The following LEKR1 variants were observed in gnomAD, a reference collection of about 807,000 sequenced individuals.
LEKR1 encodes leucine, glutamate and lysine rich 1, also known as protein LEKR1.
A neutral mutation model predicts 72.4 loss-of-function variants in LEKR1; 59 were observed. That is an observed-to-expected ratio of 0.82 (90% CI 0.66 to 1.01). LEKR1 has a LOEUF of 1.01. Ranked by LOEUF, LEKR1 falls within the 50% of genes least tolerant of loss-of-function variation. LEKR1 has a pLI of 0.00. For missense variants in LEKR1, 728 were observed against 759.2 expected (o/e 0.96, Z 0.48); for synonymous variants, 257 against 263.2 (o/e 0.98, Z 0.23).
chr3:156,943,642 T>A lies in LEKR1; in HGVS notation c.745+928T>A, dbSNP rs1726429550. ...GCCCAGTGGGAAGGGTGAGATAGAA[T>A]CAGGGTTGAGGTGACTACCTAAGAC... is the stretch of plus-strand genomic sequence containing the variant. On this transcript the variant is annotated intron_variant, in intron 6 of 12. Coordinates refer to ENST00000356539, the MANE Select transcript of LEKR1 (RefSeq NM_001004316.3). Among the ~76,000 whole-genome samples, 3 of 151,896 alleles carry A rather than the reference T, an allele frequency of 2.0e-5. No individual in the cohort carries two copies. In the South Asian group the frequency reaches 6.2e-4, roughly 31 times the overall value.
chr3:156,846,262 T>A (rs1399801000), intron 2 of LEKR1, among the ~76,000 whole-genome samples: 2 of 152,172 alleles, frequency 1.3e-5, no homozygotes, highest in African/African-American at 2.4e-5. Flanking sequence ...CCATCTCAAT[T>A]AAGGAGAGTT....
chr3:156,852,599 A>G (rs1715499964), intron 2 of LEKR1, among the ~76,000 whole-genome samples, 169 bp from the exon 3 acceptor site: 2 of 152,176 alleles, frequency 1.3e-5, no homozygotes, highest in African/African-American at 2.4e-5. Context: ...CAGACTCAAT[A>G]TGCCAGTTTA....
At chr3:156,927,168 A>G (rs1365151255) in intron 4 of LEKR1, among the ~76,000 whole-genome samples, 1 of 151,968 alleles carries the variant, frequency 6.6e-6, no homozygotes, top group Non-Finnish European at 1.5e-5. Flanking sequence ...ACAAATGTAT[A>G]TGAAGGTAGT....
chr3:156,919,470 A>G (rs993945744), intron 3 of LEKR1, among the ~76,000 whole-genome samples: 4 of 152,194 alleles, frequency 2.6e-5, no homozygotes, highest in Non-Finnish European at 5.9e-5. Flanking sequence ...TGAATTGTGC[A>G]GTGACTGGTC....
At chr3:156,970,557 G>T (rs1034316541) in intron 6 of LEKR1, among the ~76,000 whole-genome samples, 3 of 151,974 alleles carry the variant, frequency 2.0e-5, no homozygotes, top group African/African-American at 7.2e-5. Context: ...CAAATTGTCC[G>T]TGTTTGCAGA....
At chr3:156,983,892 C>T (rs543275247) in intron 7 of LEKR1, among the ~76,000 whole-genome samples, 1 of 152,104 alleles carries the variant, frequency 6.6e-6, no homozygotes, top group Non-Finnish European at 1.5e-5. Flanking sequence ...TTCAACACAA[C>T]CAAAGATTAC....
chr3:156,836,458 A>G lies in LEKR1; in HGVS notation c.48+7081A>G, dbSNP rs529624084. Reference sequence around the variant, plus strand: ...CAAGATCCAAGAAGAGAAAAGGCATAAAGACCTTTAAAATATATGTATAGT... The same window carrying G: ...CAAGATCCAAGAAGAGAAAAGGCATGAAGACCTTTAAAATATATGTATAGT... On this transcript the variant is annotated intron_variant, in intron 2 of 12. Coordinates refer to ENST00000356539, the MANE Select transcript of LEKR1 (RefSeq NM_001004316.3). Among the ~76,000 whole-genome samples, 243 of 152,348 alleles carry G rather than the reference A, an allele frequency of 1.6e-3. 2 individuals are homozygous for G. Among genetic ancestry groups the G allele is most frequent in the African/African-American group, 5.5e-3 (227 of 41,584 alleles).
intron 7 of LEKR1, among the ~76,000 whole-genome samples, chr3:156,991,359 G>A (rs188530702): frequency 6.6e-6 from 1 of 151,668 alleles, no homozygotes; most frequent in Admixed American, 6.6e-5. Context: ...TTACAATTTT[G>A]TTATATTTTA....
intron 11 of LEKR1, among the ~76,000 whole-genome samples, chr3:157,025,722 A>G (rs540519574): frequency 7.2e-4 from 109 of 152,268 alleles, no homozygotes; most frequent in Non-Finnish European, 1.4e-3. Flanking sequence ...TGCAGATACT[A>G]CCTTGAAATT....
At chr3:156,850,559 G>A (rs747387597) in intron 2 of LEKR1, among the ~76,000 whole-genome samples, 14 of 152,144 alleles carry the variant, frequency 9.2e-5, no homozygotes, top group Admixed American at 3.9e-4. Flanking sequence ...CTGTCTCTGT[G>A]TCTACTCATT....
rs755091295 is a variant in LEKR1, at chr3:157,045,643, G to T, written c.1972G>T (p.Val658Leu). 1.1e-5 allele frequency: 18 copies of T among 1,613,936 alleles called. No homozygotes were observed. Among genetic ancestry groups the T allele is most frequent in the Non-Finnish European group, 1.5e-5 (18 of 1,180,012 alleles). Residue 658 changes from valine to leucine, a missense_variant, in exon 13 of 13, where the codon GTG becomes TTG. Val to Leu is a conservative substitution (Grantham distance 32). Coordinates refer to ENST00000356539, the MANE Select transcript of LEKR1 (RefSeq NM_001004316.3). ...SDKPKRVRSGVPILPQPHPPR... is the reference protein window; with the variant it reads ...SDKPKRVRSGLPILPQPHPPR... ...TAAGCCGAAGAGGGTTAGATCAGGC[G>T]TGCCCATTCTCCCCCAGCCACATCC...
At chr3:156,855,694 C>T (rs578136770) in intron 3 of LEKR1, among the ~76,000 whole-genome samples, 11 of 152,022 alleles carry the variant, frequency 7.2e-5, no homozygotes, top group African/African-American at 1.7e-4. Context: ...TTATCTGACA[C>T]GAACCTAAAC....
chr3:156,829,900 A>T (rs1011565605), intron 2 of LEKR1, among the ~76,000 whole-genome samples: 11 of 152,220 alleles, frequency 7.2e-5, no homozygotes, highest in African/African-American at 2.4e-4. Context: ...GTAGCCTAGA[A>T]ATATTGAAAA....
At chr3:156,842,151 C>T (rs989133805) in intron 2 of LEKR1, among the ~76,000 whole-genome samples, 4 of 152,078 alleles carry the variant, frequency 2.6e-5, no homozygotes, top group African/African-American at 9.7e-5. Flanking sequence ...GTCTCTGGTG[C>T]CAAAAAAATT....
chr3:156,979,201 A>C lies in LEKR1; in HGVS notation c.753A>C (p.Gln251His), dbSNP rs1348026199. The stretch of plus-strand genomic sequence containing the variant: ...TACATTGTGTCATTTCAGATTTACA[A>C]TGTCTAGTAGAGGCACTTGGATTAA... ...YDLQKEVLDL[Q>H]CLVEALGLKL... Residue 251 changes from glutamine to histidine, a missense_variant, in exon 7 of 13, where the codon CAA becomes CAC. Gln to His is a conservative substitution (Grantham distance 24). Transcript: ENST00000356539. 1 of 1,272,552 alleles carries C rather than the reference A, an allele frequency of 7.9e-7. No individual in the cohort carries two copies. The highest frequency in any genetic ancestry group is 1.2e-5 in the South Asian group (1 of 80,638). 78.8% of individuals were successfully genotyped at this position (1,272,552 alleles called of 1,614,324 possible).
intron 12 of LEKR1, among the ~76,000 whole-genome samples, chr3:157,044,448 C>T (rs1217188229): frequency 6.6e-6 from 1 of 152,218 alleles, no homozygotes; most frequent in Non-Finnish European, 1.5e-5. Flanking sequence ...TTAATTATCT[C>T]TAGTCCAGTC....
At chr3:156,975,399 C>G (rs902340016) in intron 6 of LEKR1, among the ~76,000 whole-genome samples, 10 of 152,114 alleles carry the variant, frequency 6.6e-5, no homozygotes, top group African/African-American at 2.4e-4. Flanking sequence ...CCACATAGCA[C>G]TTTGAACCAG....
intron 9 of LEKR1, among the ~76,000 whole-genome samples, chr3:157,002,904 A>G (rs1227751195): frequency 1.3e-5 from 2 of 152,178 alleles, no homozygotes; most frequent in East Asian, 1.9e-4. Context: ...TACATTTAAC[A>G]TGAGTTCCAT....
At chr3:157,029,127 T>C (rs1734416126) in intron 12 of LEKR1, among the ~76,000 whole-genome samples, 1 of 152,296 alleles carries the variant, frequency 6.6e-6, no homozygotes, top group South Asian at 2.1e-4. Context: ...GTAATATCTT[T>C]GTTGGTTTGG....
Sources: allele counts gnomAD v4.1 joint callset (sites outside exome capture counted in the v4.1 genomes callset), GRCh38; gene constraint gnomAD v4.1.1; transcripts MANE v1.5; gene names NCBI Gene and HGNC (gene_info 2026-07-23, HGNC 2026-07-21).